Variants in CLNK observed in about 807,000 individuals in gnomAD.
CLNK encodes cytokine dependent hematopoietic cell linker.
A neutral mutation model predicts 68.6 loss-of-function variants in CLNK; 74 were observed. The observed-to-expected ratio is 1.08, with a 90% CI of 0.89 to 1.31. The LOEUF (loss-of-function observed/expected upper bound fraction) is 1.31. Among genes scored for constraint, CLNK ranks in the 50% most tolerant of loss-of-function variants. The probability of loss-of-function intolerance (pLI) is 0.00; values close to 1 mark genes in which losing one functional copy is unlikely to be tolerated. For synonymous variants in CLNK, 198 were observed against 172.2 expected (o/e 1.15, Z -1.17); for missense variants, 553 against 515.3 (o/e 1.07, Z -0.71).
rs111405351 is a variant in CLNK at position 10,649,362 on chromosome 4, T to A, written c.11+18497A>T. Among the ~76,000 whole-genome samples, 850 of 152,088 alleles carry A rather than the reference T, an allele frequency of 5.6e-3. 5 individuals are homozygous for A. Among genetic ancestry groups the A allele is most frequent in the African/African-American group, 0.019 (796 of 41,502 alleles). ...AGAGAGTCCAAAATCTAAATGAAGG[T>A]GAATAAAGATGAGAACCTAGAAAGA... On this transcript the variant is annotated intron_variant, in intron 2 of 18. Coordinates refer to ENST00000226951, the MANE Select transcript of CLNK (RefSeq NM_052964.4).
chr4:10,686,985 A>T (rs1725295709), upstream of CLNK, among the ~76,000 whole-genome samples: 4 of 152,154 alleles, frequency 2.6e-5, no homozygotes, highest in Non-Finnish European at 4.4e-5. Flanking sequence ...AGGTGCTGAA[A>T]AATACAATTA....
rs773709316 is a variant in CLNK, at chr4:10,513,568, G to A, written c.802C>T (p.Pro268Ser). The change falls in exon 16 of 19, where the codon CCT becomes TCT. Residue 268 changes from proline (P) to serine (S), a missense_variant. Physicochemically the swap from Pro to Ser is moderately conservative, Grantham distance 74. Transcript: ENST00000226951. ...CTGGCTGGAGGCTGGCATCTCTGAG[G>A]AGAACAGGGCTGCATGCCTCCTCTA... ...DHRGGMQPCS[P>S]QRCQPPASCS... 1 of 1,607,056 alleles carries A rather than the reference G, an allele frequency of 6.2e-7. No homozygotes were observed. Among genetic ancestry groups the A allele is most frequent in the Non-Finnish European group, 8.5e-7 (1 of 1,176,566 alleles).
chr4:10,728,786 G>A, the CLNK span, among the ~76,000 whole-genome samples: 1 of 151,658 alleles, frequency 6.6e-6, no homozygotes, highest in African/African-American at 2.4e-5. Flanking sequence ...TAGTAGAGAC[G>A]GGGTTTCGCC....
chr4:10,552,163 A>G (rs1384711819), intron 8 of CLNK, among the ~76,000 whole-genome samples: 1 of 151,970 alleles, frequency 6.6e-6, no homozygotes. Flanking sequence ...GCCGAGAATT[A>G]TAATATTAAT....
chr4:10,678,188 G>T (rs75283774), intron 1 of CLNK, among the ~76,000 whole-genome samples: 6,195 of 152,222 alleles, frequency 0.041, 188 homozygotes, highest in Middle Eastern at 0.1. Flanking sequence ...TTCAACCCAG[G>T]TATGCTGAAT....
intron 4 of CLNK, among the ~76,000 whole-genome samples, chr4:10,584,321 A>G (rs140254277): frequency 6.6e-6 from 1 of 152,244 alleles, no homozygotes; most frequent in Non-Finnish European, 1.5e-5. Flanking sequence ...CCTCTGGACA[A>G]TGTCTCCATT....
chr4:10,569,257 T>C (rs942182836), intron 5 of CLNK, among the ~76,000 whole-genome samples: 3 of 147,924 alleles, frequency 2.0e-5, no homozygotes, highest in African/African-American at 7.6e-5. Context: ...TTACAGACCA[T>C]TGGTACTGCA....
At chr4:10,665,662 CAAAAA>C (rs57998581) in intron 2 of CLNK, among the ~76,000 whole-genome samples, 2 of 62,874 alleles carry the variant, frequency 3.2e-5, no homozygotes, top group South Asian at 1.5e-3. Context: ...GACTTCGTCT[CAAAAA>C]AAAAAAAAAA....
intron 17 of CLNK, among the ~76,000 whole-genome samples, chr4:10,503,028 G>A (rs1717118337): frequency 6.6e-6 from 1 of 152,190 alleles, no homozygotes; most frequent in Admixed American, 6.5e-5. Flanking sequence ...AAAAGATTGA[G>A]AAATGGAGCA....
chr4:10,630,404 A>C (rs1443052966), intron 2 of CLNK, among the ~76,000 whole-genome samples: 1 of 152,236 alleles, frequency 6.6e-6, no homozygotes, highest in Non-Finnish European at 1.5e-5. Flanking sequence ...TCTCACAGGC[A>C]AAGCTGGGAT....
chr4:10,660,538 C>T (rs1724156321), intron 2 of CLNK, among the ~76,000 whole-genome samples: 1 of 152,162 alleles, frequency 6.6e-6, no homozygotes, highest in Non-Finnish European at 1.5e-5. Context: ...TGATAACAAA[C>T]TCATGCATTA....
At chr4:10,564,309 A>G (rs2108822301) in intron 7 of CLNK, among the ~76,000 whole-genome samples, 1 of 152,250 alleles carries the variant, frequency 6.6e-6, no homozygotes, top group South Asian at 2.1e-4. Context: ...ATAATTTACC[A>G]TGTTGGGCCG....
chr4:10,500,803 G>C (rs1387120113), intron 18 of CLNK, among the ~76,000 whole-genome samples: 1 of 152,178 alleles, frequency 6.6e-6, no homozygotes, highest in Non-Finnish European at 1.5e-5. Context: ...TCCATCAGCA[G>C]ATCTGTACTG....
intron 3 of CLNK, among the ~76,000 whole-genome samples, chr4:10,594,414 C>A (rs566402777): frequency 3.9e-5 from 6 of 152,212 alleles, no homozygotes; most frequent in Non-Finnish European, 8.8e-5. Flanking sequence ...TGCTTCCATC[C>A]GAGGTTCTCT....
the CLNK span, among the ~76,000 whole-genome samples, chr4:10,710,512 T>A: frequency 6.6e-6 from 1 of 152,228 alleles, no homozygotes; most frequent in Non-Finnish European, 1.5e-5. Flanking sequence ...GAAGTGATTA[T>A]GTGCCAGACA....
intron 16 of CLNK, among the ~76,000 whole-genome samples, chr4:10,513,133 A>C (rs1309676807): frequency 2.0e-5 from 3 of 152,140 alleles, no homozygotes; most frequent in Non-Finnish European, 2.9e-5. Flanking sequence ...TGTATATCCT[A>C]GTTAACCCCC....
intron 2 of CLNK, among the ~76,000 whole-genome samples, chr4:10,634,397 C>G (rs1723003231): frequency 6.6e-6 from 1 of 152,184 alleles, no homozygotes; most frequent in Admixed American, 6.5e-5. Flanking sequence ...GCTGTGTGCG[C>G]TCGGCTCTTC....
In CLNK at chr4:10,516,209, G is replaced by A. The variant is rs373268163; in HGVS notation, c.773-2612C>T. 3.3e-5 allele frequency among the ~76,000 whole-genome samples: 5 copies of A among 152,072 alleles called. No individual in the cohort carries two copies. In the South Asian group the frequency reaches 8.3e-4, roughly 25 times the overall value. On this transcript the variant is annotated intron_variant, in intron 15 of 18. Coordinates refer to ENST00000226951, the MANE Select transcript of CLNK (RefSeq NM_052964.4). Reference sequence around the variant, plus strand: ...AATCTTTAGGATATATAAACATTATGTAAGTAAAATACTAGGCAAAAATAA... The same window carrying A: ...AATCTTTAGGATATATAAACATTATATAAGTAAAATACTAGGCAAAAATAA...
intron 2 of CLNK, among the ~76,000 whole-genome samples, chr4:10,610,049 T>A (rs1168477549): frequency 1.9e-5 from 1 of 53,616 alleles, no homozygotes; most frequent in East Asian, 5.6e-4. Context: ...TTTTTTTTTT[T>A]TTTTTTTTTT....
Sources: allele counts gnomAD v4.1 joint callset (sites outside exome capture counted in the v4.1 genomes callset), GRCh38; gene constraint gnomAD v4.1.1; transcripts MANE v1.5; gene names NCBI Gene and HGNC (gene_info 2026-07-23, HGNC 2026-07-21).